Variants in CLEC16A observed in about 807,000 individuals in gnomAD.
CLEC16A encodes C-type lectin domain containing 16A.
Under a neutral mutation model 109.5 loss-of-function variants are expected in CLEC16A, and 51 were observed. The ratio of observed to expected loss-of-function variants is 0.47; its 90% CI spans 0.37 to 0.59. The LOEUF (loss-of-function observed/expected upper bound fraction) is 0.59. Ranked by LOEUF, CLEC16A falls within the 20% of genes least tolerant of loss-of-function variation. CLEC16A has a pLI of 0.00. For missense variants in CLEC16A, 1,339 were observed against 1,394.0 expected (o/e 0.96, Z 0.63); for synonymous variants, 673 against 564.2 (o/e 1.19, Z -2.73).
At chr16:11,177,555 A>C (rs2141047395) in intron 23 of CLEC16A, among the ~76,000 whole-genome samples, 1 of 151,780 alleles carries the variant, frequency 6.6e-6, no homozygotes, top group South Asian at 2.1e-4. Flanking sequence ...AGCCAAGATC[A>C]TGCCACTGCA....
intron 19 of CLEC16A, among the ~76,000 whole-genome samples, chr16:11,094,545 T>TC (rs1403963409): frequency 2.6e-5 from 4 of 152,074 alleles, no homozygotes; most frequent in Non-Finnish European, 4.4e-5. Context: ...AGGCACCACC[T>TC]CCCCCCCTAC....
Position 10,997,087 on chromosome 16 carries a change from A to G in CLEC16A, c.1072-5987A>G, listed in dbSNP as rs529396685. On this transcript the variant is annotated intron_variant, in intron 10 of 23. Transcript: ENST00000409790. ...AGTGATCTTCCTGCCTCAGCCTCCC[A>G]AGTAGCTGGGACTGCAGGCATGCAC... is the stretch of plus-strand genomic sequence containing the variant. Among the ~76,000 whole-genome samples the G allele has an allele frequency of 2.0e-5, 3 of 152,044 alleles. No individual in the cohort carries two copies. In the South Asian group the frequency reaches 6.2e-4, roughly 32 times the overall value.
At chr16:11,083,769 C>G (rs912791075) in intron 19 of CLEC16A, among the ~76,000 whole-genome samples, 1 of 152,266 alleles carries the variant, frequency 6.6e-6, no homozygotes, top group Non-Finnish European at 1.5e-5. Flanking sequence ...CACTTCCAGC[C>G]TCCTGCTGCC....
chr16:11,048,080 A>G (rs189800257), intron 17 of CLEC16A: 2 of 152,404 alleles, frequency 1.3e-5, no homozygotes, highest in Non-Finnish European at 2.9e-5. Context: ...GAGCCAAACC[A>G]TATCACTTGC....
intron 17 of CLEC16A, among the ~76,000 whole-genome samples, chr16:11,050,162 G>C (rs1439232950): frequency 6.6e-6 from 1 of 152,234 alleles, no homozygotes; most frequent in Non-Finnish European, 1.5e-5. Flanking sequence ...GCAAGACAGA[G>C]CAAGAGGGAA....
At chr16:11,157,076 G>A (rs1453952704) in intron 22 of CLEC16A, 1 of 1,303,828 alleles carries the variant, frequency 7.7e-7, no homozygotes, top group Admixed American at 2.3e-5. Flanking sequence ...CTTTTCTGCA[G>A]GTTTTCAAGG....
At chr16:11,056,654 A>G (rs1201692468) in intron 18 of CLEC16A, 1 of 152,190 alleles carries the variant, frequency 6.6e-6, no homozygotes. Context: ...GTTTATCACT[A>G]TTGGCCTTGA....
chr16:11,125,368 A>G (rs542441915), intron 21 of CLEC16A, among the ~76,000 whole-genome samples: 2 of 152,250 alleles, frequency 1.3e-5, no homozygotes, highest in Admixed American at 1.3e-4. Flanking sequence ...TCATTTGAAA[A>G]TTGAGAATTA....
chr16:11,176,196 A>G (rs1021973088), intron 23 of CLEC16A, among the ~76,000 whole-genome samples: 1 of 152,242 alleles, frequency 6.6e-6, no homozygotes, highest in African/African-American at 2.4e-5. Context: ...CCTGAGCTGA[A>G]ACCAGCCCAG....
At chr16:10,970,665 A>G (rs551691485) in intron 4 of CLEC16A, among the ~76,000 whole-genome samples, 21 of 152,346 alleles carry the variant, frequency 1.4e-4, no homozygotes, top group African/African-American at 4.8e-4. Flanking sequence ...TGGCCTCCCA[A>G]AGTGCTGGGA....
At chr16:11,056,625 A>T (rs1247666495) in intron 18 of CLEC16A, 1 of 152,200 alleles carries the variant, frequency 6.6e-6, no homozygotes, top group Non-Finnish European at 1.5e-5. Context: ...TCCTTTGTAA[A>T]ACCACAAGCA....
chr16:10,994,165 C>T (rs780028166), intron 10 of CLEC16A, among the ~76,000 whole-genome samples: 2 of 152,142 alleles, frequency 1.3e-5, no homozygotes, highest in Non-Finnish European at 2.9e-5. Flanking sequence ...AGAAGAATGC[C>T]GTGTTCTCCT....
At chr16:11,042,938 A>G (rs1325593287) in intron 15 of CLEC16A, among the ~76,000 whole-genome samples, 6 of 150,442 alleles carry the variant, frequency 4.0e-5, no homozygotes. Flanking sequence ...TACATATACA[A>G]TATGTAAATA....
In CLEC16A at chr16:11,032,321, C is replaced by T. The variant is rs527425361; in HGVS notation, c.1537+7400C>T. ...GCGACTGAACTGTGTTCCTATGAGC[C>T]GTGTGGGGCTGCTGGGGGGCAGTTG... On this transcript the variant is annotated intron_variant, in intron 13 of 23. Transcript: ENST00000409790. Among the ~76,000 whole-genome samples the T allele has an allele frequency of 5.3e-5, 8 of 152,288 alleles. No individual in the cohort carries two copies. In the East Asian group the frequency reaches 1.2e-3, roughly 22 times the overall value.
At chr16:11,110,603 C>A (rs2051521033) in intron 19 of CLEC16A, among the ~76,000 whole-genome samples, 1 of 152,140 alleles carries the variant, frequency 6.6e-6, no homozygotes, top group African/African-American at 2.4e-5. Flanking sequence ...GTCATGGCTC[C>A]AGAAATGTCA....
intron 19 of CLEC16A, among the ~76,000 whole-genome samples, chr16:11,076,529 G>C (rs150491538): frequency 6.3e-4 from 96 of 152,228 alleles, no homozygotes; most frequent in African/African-American, 2.2e-3. Context: ...AAGCTGCTGG[G>C]TTCCCCTGCA....
intron 19 of CLEC16A, among the ~76,000 whole-genome samples, chr16:11,076,474 C>A (rs1052783594): frequency 1.3e-5 from 2 of 152,212 alleles, no homozygotes. Context: ...CCAGCCCACT[C>A]TGTGAGCTGT....
At chr16:10,955,976 A>C (rs1409035199) in intron 1 of CLEC16A, among the ~76,000 whole-genome samples, 2 of 152,190 alleles carry the variant, frequency 1.3e-5, no homozygotes, top group Non-Finnish European at 2.9e-5. Flanking sequence ...CAGTTTGGAA[A>C]ACTCTGCCGT....
intron 10 of CLEC16A, among the ~76,000 whole-genome samples, chr16:10,999,982 G>A (rs140217398): frequency 2.6e-5 from 4 of 152,156 alleles, no homozygotes; most frequent in African/African-American, 7.2e-5. Flanking sequence ...GACTACAAGC[G>A]CCCGCCACCA....
Sources: gnomAD v4.1 joint callset for allele counts (sites outside exome capture counted in the v4.1 genomes callset) on GRCh38, gnomAD v4.1.1 for gene constraint, MANE v1.5 for transcripts, NCBI Gene and HGNC (gene_info 2026-07-23, HGNC 2026-07-21) for gene names.